The following FER1L6 variants were observed in gnomAD, a reference collection of about 807,000 sequenced individuals.
FER1L6 encodes the protein fer-1-like protein 6.
A neutral mutation model predicts 219.2 loss-of-function variants in FER1L6; 177 were observed. The ratio of observed to expected loss-of-function variants is 0.81; its 90% CI spans 0.71 to 0.91. The LOEUF (loss-of-function observed/expected upper bound fraction) is 0.91. Ranked by LOEUF, FER1L6 falls within the 40% of genes least tolerant of loss-of-function variation. FER1L6 has a pLI of 0.00. For synonymous variants in FER1L6, 768 were observed against 824.3 expected (o/e 0.93, Z 1.17); for missense variants, 2,153 against 2,259.9 (o/e 0.95, Z 0.96).
intron 1 of FER1L6, among the ~76,000 whole-genome samples, chr8:123,934,031 C>G (rs1210526626): frequency 6.6e-6 from 1 of 152,074 alleles, no homozygotes; most frequent in Non-Finnish European, 1.5e-5. Context: ...ATTCATTATT[C>G]ATCATTTCCT....
At chr8:123,930,965 C>T (rs1263655041) in intron 1 of FER1L6, among the ~76,000 whole-genome samples, 1 of 152,150 alleles carries the variant, frequency 6.6e-6, no homozygotes, top group African/African-American at 2.4e-5. Context: ...GGGTTCTACT[C>T]TTCTTGACAG....
At chr8:124,006,880 AACAG>A (rs1343636910) in intron 13 of FER1L6, among the ~76,000 whole-genome samples, 7 of 152,212 alleles carry the variant, frequency 4.6e-5, no homozygotes, top group African/African-American at 9.6e-5. Context: ...CTGAGAACCA[AACAG>A]ACAAAGGCCT....
intron 1 of FER1L6, among the ~76,000 whole-genome samples, chr8:123,874,161 T>C (rs1173607399): frequency 6.6e-6 from 1 of 152,208 alleles, no homozygotes; most frequent in Admixed American, 6.5e-5. Flanking sequence ...CCATGTTGAC[T>C]GGTTTTATTT....
intron 21 of FER1L6, 196 bp downstream of exon 21, chr8:124,046,097 AAG>A: frequency 1.8e-6 from 1 of 547,290 alleles, no homozygotes; most frequent in Non-Finnish European, 3.1e-6. Flanking sequence ...GCTTTACTAA[AAG>A]AGTTTTTCAC....
Position 124,021,658 on chromosome 8 carries a change from C to T in FER1L6, c.2122C>T (p.Leu708Phe). ...AQNFVEKIRF[L>F]VDEPQHTIPD... ...AAACTTTGTGGAAAAAATCCGCTTT[C>T]TTGTTGATGAGGTAACTGACTCTAA... The change falls in exon 17 of 41, where the codon CTT becomes TTT. Residue 708 changes from leucine (L) to phenylalanine (F), a missense_variant. Transcript: ENST00000522917. The T allele has an allele frequency of 1.9e-6, 3 of 1,614,092 alleles. No individual in the cohort carries two copies. In the South Asian group the frequency reaches 3.3e-5, roughly 18 times the overall value.
At position 123,980,796 on chromosome 8, in the gene FER1L6, C is replaced by G; in HGVS notation, c.1395C>G (p.Phe465Leu). The change falls in exon 11 of 41, where the codon TTC (phenylalanine) becomes TTG (leucine). Residue 465 changes from phenylalanine to leucine, a missense_variant. By Grantham distance (22) the Phe-to-Leu change is conservative (BLOSUM62 0). Coordinates refer to ENST00000522917, the MANE Select transcript of FER1L6 (RefSeq NM_001039112.2). ...TNSTEVEVES[F>L]DVPPEIVPEK... ...CAACCGAGGTGGAGGTGGAATCGTT[C>G]GATGTCCCCCCGGAGGTAGGTCTAG... The G allele has an allele frequency of 6.2e-7, 1 of 1,613,424 alleles. No individual in the cohort carries two copies. Among genetic ancestry groups the G allele is most frequent in the African/African-American group, 1.3e-5 (1 of 75,012 alleles).
chr8:123,963,005 A>G (rs1287736097), intron 2 of FER1L6, among the ~76,000 whole-genome samples: 1 of 152,108 alleles, frequency 6.6e-6, no homozygotes, highest in Non-Finnish European at 1.5e-5. Flanking sequence ...TTTTTAGTTT[A>G]CACTTTAGAT....
Position 123,964,561 on chromosome 8 carries a change from A to G in FER1L6, c.197+1163A>G, listed in dbSNP as rs573404503. 1.6e-4 allele frequency among the ~76,000 whole-genome samples: 24 copies of G among 152,286 alleles called. 3 individuals carry two copies. The South Asian group carries it at 4.8e-3, about 30-fold the overall frequency. ...CTTCCTTCCTTTGCCGCACCCTGAC[A>G]ACCACCACCCCTCTACCCTAGTCTC... On this transcript the variant is annotated intron_variant, in intron 3 of 40. Coordinates refer to ENST00000522917, the MANE Select transcript of FER1L6 (RefSeq NM_001039112.2).
chr8:123,976,177 G>A (rs1029048114), intron 9 of FER1L6, 93 bp downstream of exon 9: 1 of 1,111,512 alleles, frequency 9.0e-7, no homozygotes, highest in Non-Finnish European at 1.3e-6. Flanking sequence ...ATAAAAATTA[G>A]GAAGTGCCTT....
chr8:123,890,625 A>ATTTTTTTTTTTTTTTTTTTT (rs59914385), intron 1 of FER1L6, among the ~76,000 whole-genome samples: 2 of 91,432 alleles, frequency 2.2e-5, no homozygotes, highest in Admixed American at 1.5e-4. Context: ...TAAAAATTTG[A>ATTTTTTTTTTTTTTTTTTTT]TTTTTTTTTT....
chr8:123,983,588 T>C (rs1287353958), intron 11 of FER1L6, among the ~76,000 whole-genome samples: 2 of 152,182 alleles, frequency 1.3e-5, no homozygotes, highest in Admixed American at 6.5e-5. Context: ...ATTATTAAAA[T>C]GTTAAGCCCC....
At position 124,060,577 on chromosome 8, in the gene FER1L6, G is replaced by T; in HGVS notation, c.3015G>T (p.Lys1005Asn). ...EVLFWGVREM[K>N]KVQLLSVDRP... The stretch of plus-strand genomic sequence containing the variant: ...TCTTCTGGGGAGTTCGGGAAATGAA[G>T]AAGGTGCAGCTCCTCTCTGTGGATC... The change falls in exon 24 of 41, where the codon AAG becomes AAT. Residue 1005 changes from lysine to asparagine, a missense_variant. By Grantham distance (94) the Lys-to-Asn change is moderately conservative. Transcript: ENST00000522917. 2 of 1,614,114 alleles carry T rather than the reference G, an allele frequency of 1.2e-6. No homozygotes were observed. The highest frequency in any genetic ancestry group is 2.2e-5 in the East Asian group (1 of 44,878).
chr8:124,085,646 G>A (rs1417751477), intron 33 of FER1L6, among the ~76,000 whole-genome samples: 2 of 152,138 alleles, frequency 1.3e-5, no homozygotes, highest in Non-Finnish European at 2.9e-5. Context: ...CTAACGTGTG[G>A]TCTGTCTTTG....
At chr8:123,866,419 C>T (rs1816839087) in intron 1 of FER1L6, among the ~76,000 whole-genome samples, 1 of 151,988 alleles carries the variant, frequency 6.6e-6, no homozygotes, top group South Asian at 2.1e-4. Flanking sequence ...GCTTTCATAA[C>T]TTAGCTATTG....
intron 38 of FER1L6, 22 bp from the exon 39 acceptor site, chr8:124,103,124 T>C: frequency 1.2e-6 from 2 of 1,608,620 alleles, no homozygotes; most frequent in South Asian, 1.1e-5. Flanking sequence ...CTTCCCTAAC[T>C]GTTAGGGTCA....
chr8:123,894,207 C>T (rs147705494), intron 1 of FER1L6, among the ~76,000 whole-genome samples: 113 of 152,294 alleles, frequency 7.4e-4, no homozygotes, highest in African/African-American at 2.7e-3. Flanking sequence ...ATCACATCCA[C>T]AGAATGAAAT....
At chr8:123,957,315 G>A (rs1815066327) in intron 2 of FER1L6, among the ~76,000 whole-genome samples, 1 of 152,160 alleles carries the variant, frequency 6.6e-6, no homozygotes, top group African/African-American at 2.4e-5. Flanking sequence ...TGGGGACAAG[G>A]CTTAAAGCTT....
At chr8:124,096,050 G>C (rs1414461693) in intron 35 of FER1L6, among the ~76,000 whole-genome samples, 1 of 152,202 alleles carries the variant, frequency 6.6e-6, no homozygotes, top group Non-Finnish European at 1.5e-5. Context: ...TAATGGGTCA[G>C]AAACACTTAC....
At chr8:124,065,472 A>T (rs1292450128) in intron 26 of FER1L6, among the ~76,000 whole-genome samples, 1 of 152,066 alleles carries the variant, frequency 6.6e-6, no homozygotes, top group Non-Finnish European at 1.5e-5. Context: ...CTGAGATAAA[A>T]AGAAGAGTGG....
Sources: gnomAD v4.1 joint callset for allele counts (sites outside exome capture counted in the v4.1 genomes callset) on GRCh38, gnomAD v4.1.1 for gene constraint, MANE v1.5 for transcripts, NCBI Gene and HGNC (gene_info 2026-07-23, HGNC 2026-07-21) for gene names.